The following TEAD1 variants were observed in gnomAD, a reference collection of about 807,000 sequenced individuals.
TEAD1 encodes transcriptional enhancer factor TEF-1.
Under a neutral mutation model 54.9 loss-of-function variants are expected in TEAD1, and 9 were observed. The ratio of observed to expected loss-of-function variants is 0.16; its 90% confidence interval spans 0.10 to 0.29. The LOEUF is 0.29. Ranked by LOEUF, TEAD1 falls within the 10% of genes least tolerant of loss-of-function variation. The pLI, the probability that TEAD1 is intolerant of heterozygous loss-of-function variation, is 1.00. For missense variants in TEAD1, 387 were observed against 535.9 expected, an observed-to-expected ratio of 0.72 and a Z score of 2.74; for synonymous variants, 200 against 187.8, an observed-to-expected ratio of 1.07 and a Z score of -0.53.
At chr11:12,690,261 A>AT (rs1307345961) in intron 2 of TEAD1, among the ~76,000 whole-genome samples, 1,699 of 145,444 alleles carry the variant, frequency 0.012, 14 homozygotes, top group Middle Eastern at 0.021. Context: ...AAAAAAAAAA[A>AT]AATAATAAGC....
At chr11:12,800,778 C>G (rs907787112) in intron 3 of TEAD1, among the ~76,000 whole-genome samples, 2 of 152,228 alleles carry the variant, frequency 1.3e-5, no homozygotes, top group African/African-American at 4.8e-5. Flanking sequence ...TTCCTTTCCT[C>G]CCTTCTCTGC....
chr11:12,801,196 G>A (rs1356211362), intron 3 of TEAD1, among the ~76,000 whole-genome samples: 1 of 152,162 alleles, frequency 6.6e-6, no homozygotes, highest in East Asian at 1.9e-4. Context: ...CTAGAAATTG[G>A]GGCTGGATTT....
chr11:12,751,824 T>C (rs912767538), intron 2 of TEAD1, among the ~76,000 whole-genome samples: 1 of 152,064 alleles, frequency 6.6e-6, no homozygotes, highest in Non-Finnish European at 1.5e-5. Flanking sequence ...AATGTGGACT[T>C]AGGAATGAAA....
At chr11:12,837,624 C>CT (rs1381645132) in intron 3 of TEAD1, among the ~76,000 whole-genome samples, 2 of 151,994 alleles carry the variant, frequency 1.3e-5, no homozygotes, top group Non-Finnish European at 2.9e-5. Flanking sequence ...ACGGCCTTTC[C>CT]TTTGTGTTCA....
At chr11:12,830,296 G>T (rs1480301483) in intron 3 of TEAD1, among the ~76,000 whole-genome samples, 2 of 152,128 alleles carry the variant, frequency 1.3e-5, no homozygotes, top group African/African-American at 4.8e-5. Context: ...CTGGCAGTGG[G>T]GGGCATCCCA....
chr11:12,727,591 G>A (rs1416201804), intron 2 of TEAD1, among the ~76,000 whole-genome samples: 1 of 152,144 alleles, frequency 6.6e-6, no homozygotes, highest in Non-Finnish European at 1.5e-5. Flanking sequence ...AAAAATTTGG[G>A]ATTAAGGCCA....
chr11:12,870,979 A>C (rs1358049081), intron 5 of TEAD1, among the ~76,000 whole-genome samples: 1 of 152,222 alleles, frequency 6.6e-6, no homozygotes, highest in Non-Finnish European at 1.5e-5. Context: ...GTTGTTTCTT[A>C]GTGATGGGAG....
intron 5 of TEAD1, among the ~76,000 whole-genome samples, chr11:12,877,724 C>T (rs1211024547): frequency 6.6e-6 from 1 of 151,852 alleles, no homozygotes; most frequent in Non-Finnish European, 1.5e-5. Flanking sequence ...CCCTCCCCTC[C>T]CTTTCCTTTT....
intron 2 of TEAD1, among the ~76,000 whole-genome samples, chr11:12,750,019 G>A (rs1458280507): frequency 6.6e-6 from 1 of 152,198 alleles, no homozygotes; most frequent in East Asian, 1.9e-4. Flanking sequence ...ATCATTAAAT[G>A]GAAGATTATA....
chr11:12,864,354 C>T (rs1947570085), intron 4 of TEAD1, among the ~76,000 whole-genome samples: 1 of 152,102 alleles, frequency 6.6e-6, no homozygotes, highest in Non-Finnish European at 1.5e-5. Context: ...GAAAACAGCC[C>T]CTCTCATCCC....
chr11:12,789,267 A>G lies in TEAD1; in HGVS notation c.202+24833A>G, dbSNP rs146586462. 1.5e-3 allele frequency among the ~76,000 whole-genome samples: 234 copies of G among 152,352 alleles called. 1 individual carries two copies. Among genetic ancestry groups the G allele is most frequent in the African/African-American group, 5.1e-3 (213 of 41,580 alleles). ...ACTGGTTGTGCCAGTTAGATGAGGT[A>G]ACTTGAATTGGTTCCTGAGACAGTA... On this transcript the variant is annotated intron_variant, in intron 3 of 12. Coordinates refer to ENST00000527636, the MANE Select transcript of TEAD1 (RefSeq NM_021961.6).
intron 2 of TEAD1, among the ~76,000 whole-genome samples, chr11:12,716,000 G>T (rs1944053232): frequency 6.6e-6 from 1 of 151,886 alleles, no homozygotes; most frequent in Non-Finnish European, 1.5e-5. Context: ...TCATTTCCTA[G>T]CTCACCCTCC....
intron 3 of TEAD1, among the ~76,000 whole-genome samples, chr11:12,804,552 T>C (rs1946128745): frequency 6.6e-6 from 1 of 151,824 alleles, no homozygotes; most frequent in South Asian, 2.1e-4. Context: ...GTGACAAACA[T>C]GTGTTGTAAT....
chr11:12,914,436 C>T (rs963771864), intron 10 of TEAD1, among the ~76,000 whole-genome samples: 3 of 152,216 alleles, frequency 2.0e-5, no homozygotes, highest in Non-Finnish European at 4.4e-5. Context: ...CAGCTGCTGT[C>T]TCATCATTGG....
chr11:12,853,097 A>G (rs1409329978), intron 3 of TEAD1, among the ~76,000 whole-genome samples: 2 of 151,678 alleles, frequency 1.3e-5, no homozygotes, highest in African/African-American at 4.8e-5. Flanking sequence ...CTCTTCATAC[A>G]CTCCATGTCT....
At chr11:12,682,666 G>A (rs1327188901) in intron 2 of TEAD1, among the ~76,000 whole-genome samples, 1 of 152,124 alleles carries the variant, frequency 6.6e-6, no homozygotes, top group Non-Finnish European at 1.5e-5. Flanking sequence ...TTTTCACGGA[G>A]CTACTGCTTG....
chr11:12,866,918 T>C (rs544538335), intron 5 of TEAD1, among the ~76,000 whole-genome samples: 13 of 152,236 alleles, frequency 8.5e-5, no homozygotes, highest in Admixed American at 2.6e-4. Flanking sequence ...CTTTGGGTAA[T>C]AGCGGGAGCA....
At chr11:12,722,703 CAAA>C (rs977450924) in intron 2 of TEAD1, among the ~76,000 whole-genome samples, 1 of 143,716 alleles carries the variant, frequency 7.0e-6, no homozygotes, top group Non-Finnish European at 1.5e-5. Flanking sequence ...GACAGTCAAA[CAAA>C]AGAGGGAAAA....
chr11:12,779,951 C>G (rs933423358), intron 3 of TEAD1, among the ~76,000 whole-genome samples: 4 of 152,170 alleles, frequency 2.6e-5, no homozygotes, highest in Non-Finnish European at 4.4e-5. Flanking sequence ...AAAATCTAAG[C>G]AAATGTATGT....
Sources: gnomAD v4.1 joint callset for allele counts (sites outside exome capture counted in the v4.1 genomes callset) on GRCh38, gnomAD v4.1.1 for gene constraint, MANE v1.5 for transcripts, NCBI Gene and HGNC (gene_info 2026-07-23, HGNC 2026-07-21) for gene names.